GATA4: variants seen among roughly 807,000 people sequenced by gnomAD.
GATA4 encodes the protein transcription factor GATA-4.
GATA4 carries 7 observed loss-of-function variants against 37.9 expected under a neutral mutation model. That is an observed-to-expected ratio of 0.18 (90% confidence interval 0.11 to 0.35). The LOEUF (loss-of-function observed/expected upper bound fraction) is 0.35. GATA4 is among the 10% of genes least tolerant of loss of function. The pLI is 1.00. For missense variants in GATA4, 647 were observed against 653.0 expected (o/e 0.99, Z 0.10); for synonymous variants, 372 against 292.6 (o/e 1.27, Z -2.77).
intron 1 of GATA4, among the ~76,000 whole-genome samples, chr8:11,682,011 C>T (rs143686876): frequency 1.3e-5 from 2 of 152,342 alleles, no homozygotes; most frequent in African/African-American, 2.4e-5. Flanking sequence ...TGTTTTGTTT[C>T]ATGAATCAAA....
Position 11,758,560 on chromosome 8 carries a change from G to C in GATA4, c.*85G>C, listed in dbSNP as rs551166697. The C allele has an allele frequency of 7.5e-7, 1 of 1,326,256 alleles. No individual in the cohort carries two copies. The highest frequency in any genetic ancestry group is 1.1e-6 in the Non-Finnish European group (1 of 920,934). The allele number at this position is 1,326,256 out of a possible 1,614,324, so 82.2% of individuals were successfully genotyped here. A position where few individuals can be genotyped will look rare whatever the true frequency, so the allele number is the denominator to read the frequency against. On this transcript the variant is annotated 3_prime_UTR_variant, in exon 7 of 7. Transcript: ENST00000532059. ...AGGAGGCCCTGGGCTCCCAGGGGCC[G>C]GCCTCCTCTGCCTGGTAATGACTCC... is the stretch of plus-strand genomic sequence containing the variant.
chr8:11,717,273 T>C (rs1800475076), intron 2 of GATA4, among the ~76,000 whole-genome samples: 1 of 152,224 alleles, frequency 6.6e-6, no homozygotes, highest in African/African-American at 2.4e-5. Flanking sequence ...ACAAAATACA[T>C]TTATAAGTTT....
rs556448447 is a variant in GATA4 at position 11,708,969 on chromosome 8, G to A, written c.616+41G>A. On this transcript the variant is annotated intron_variant, in intron 2 of 6. Transcript: ENST00000532059. This position sits in a 1 kb window ranked among gnomAD's most constrained non-coding sequence, Gnocchi z 6.7. ...AGGGCTGGGGCGCGTGAGGGCCGGG[G>A]CAGGGGCCGTCTTGAGCCCTGTCGA... 1.4e-4 allele frequency: 210 copies of A among 1,508,300 alleles called. 1 individual carries two copies. The South Asian group carries it at 2.5e-3, about 18-fold the overall frequency. The allele number at this position is 1,508,300 out of a possible 1,614,324, so 93.4% of individuals were successfully genotyped here.
At chr8:11,692,385 T>C (rs1799341522), upstream of GATA4, among the ~76,000 whole-genome samples, 1 of 152,266 alleles carries the variant, frequency 6.6e-6, no homozygotes, top group African/African-American at 2.4e-5. Flanking sequence ...TCGCCGTCTT[T>C]ATACGCAGGT....
At chr8:11,685,990 C>A (rs552566516) in intron 1 of GATA4, among the ~76,000 whole-genome samples, 1 of 152,320 alleles carries the variant, frequency 6.6e-6, no homozygotes, top group African/African-American at 2.4e-5. Context: ...AAGCGGAGGA[C>A]AGGACTGCAG....
At position 11,709,793 on chromosome 8, in the gene GATA4, A is replaced by G. The variant is rs972445028; in HGVS notation, c.616+865A>G. On this transcript the variant is annotated intron_variant, in intron 2 of 6. Transcript: ENST00000532059. This position sits in a 1 kb window ranked among gnomAD's most constrained non-coding sequence, Gnocchi z 4.3. Reference sequence around the variant, plus strand: ...GGGGAGGGACGGCAAACCTGTCTCAACCTCCACTGATTCACAAATAAACGC... The same window carrying G: ...GGGGAGGGACGGCAAACCTGTCTCAGCCTCCACTGATTCACAAATAAACGC... 1.3e-5 allele frequency among the ~76,000 whole-genome samples: 2 copies of G among 151,994 alleles called. No individual in the cohort carries two copies. Among genetic ancestry groups the G allele is most frequent in the Admixed American group, 1.3e-4 (2 of 15,276 alleles).
intron 2 of GATA4, among the ~76,000 whole-genome samples, chr8:11,730,664 T>G (rs796334447): frequency 7.2e-5 from 11 of 152,290 alleles, no homozygotes; most frequent in African/African-American, 2.6e-4. Context: ...GGGATGATAT[T>G]TGGTGGTAGC....
At chr8:11,744,696 G>C (rs1283662472) in intron 2 of GATA4, among the ~76,000 whole-genome samples, 3 of 152,246 alleles carry the variant, frequency 2.0e-5, no homozygotes, top group African/African-American at 7.2e-5. Context: ...TCATGGAGCA[G>C]GTTGGATGGC....
rs557293887 is a variant in GATA4 at position 11,719,451 on chromosome 8, C to T, written c.616+10523C>T. Reference sequence around the variant, plus strand: ...ACTGCTTATTTTAAAAAAGAAAATGCTTTCCAGGCAAAAATGGCTTCAGAG... The same window carrying T: ...ACTGCTTATTTTAAAAAAGAAAATGTTTTCCAGGCAAAAATGGCTTCAGAG... On this transcript the variant is annotated intron_variant, in intron 2 of 6. Transcript: ENST00000532059. 3.3e-5 allele frequency among the ~76,000 whole-genome samples: 5 copies of T among 152,142 alleles called. No individual in the cohort carries two copies. The East Asian group carries it at 9.6e-4, about 29-fold the overall frequency.
intron 1 of GATA4, among the ~76,000 whole-genome samples, chr8:11,693,590 G>GAGAGAGAGAGAGAGAGAGAGAGAC (rs1799409078): frequency 6.7e-6 from 1 of 149,610 alleles, no homozygotes; most frequent in African/African-American, 2.5e-5. Context: ...GAGAGAGAGA[G>GAGAGAGAGAGAGAGAGAGAGAGAC]AGAGACAGAG....
chr8:11,721,763 C>A (rs1005219334), intron 2 of GATA4, among the ~76,000 whole-genome samples: 1 of 152,080 alleles, frequency 6.6e-6, no homozygotes, highest in South Asian at 2.1e-4. Context: ...GTAATTCTGC[C>A]CTCTTCTTGT....
intron 2 of GATA4, among the ~76,000 whole-genome samples, chr8:11,746,415 C>G (rs903779477): frequency 2.6e-5 from 4 of 152,152 alleles, no homozygotes; most frequent in African/African-American, 9.6e-5. Flanking sequence ...GAGGGTTGCA[C>G]TAGGTTTGGA....
chr8:11,705,289 G>A (rs1799843459), intron 1 of GATA4, among the ~76,000 whole-genome samples: 1 of 152,168 alleles, frequency 6.6e-6, no homozygotes, highest in African/African-American at 2.4e-5. Flanking sequence ...CTGGGGTGTG[G>A]AGGTGATGCT....
At chr8:11,757,388 G>A (rs1802645579) in intron 6 of GATA4, among the ~76,000 whole-genome samples, 1 of 152,220 alleles carries the variant, frequency 6.6e-6, no homozygotes, top group Non-Finnish European at 1.5e-5. Context: ...CAAAGAGAGG[G>A]GAGTCCAGGG....
At chr8:11,699,461 C>T (rs1052843189), upstream of GATA4, among the ~76,000 whole-genome samples, 1 of 152,214 alleles carries the variant, frequency 6.6e-6, no homozygotes, top group African/African-American at 2.4e-5. Flanking sequence ...GTCTGGGAAC[C>T]AGACTCCCTA....
chr8:11,678,019 A>AATG (rs1798837380), intron 1 of GATA4, among the ~76,000 whole-genome samples: 1 of 21,372 alleles, frequency 4.7e-5, no homozygotes, highest in African/African-American at 5.1e-4. Context: ...TCAAAATAAT[A>AATG]ATAATAATAA....
intron 6 of GATA4, among the ~76,000 whole-genome samples, chr8:11,757,626 A>G (rs552291925): frequency 6.6e-6 from 1 of 152,336 alleles, no homozygotes; most frequent in East Asian, 1.9e-4. Flanking sequence ...GAGGGCAGGC[A>G]GGGCAGGCTG....
intron 2 of GATA4, among the ~76,000 whole-genome samples, chr8:11,745,218 T>A (rs754438591): frequency 1.8e-4 from 27 of 152,014 alleles, no homozygotes; most frequent in Non-Finnish European, 3.4e-4. Context: ...CAGCCAGAGG[T>A]GAGTCGGCAG....
Position 11,709,770 on chromosome 8 carries a change from G to C in GATA4, c.616+842G>C, listed in dbSNP as rs531947627. Among the ~76,000 whole-genome samples the C allele has an allele frequency of 6.6e-6, 1 of 152,332 alleles. No homozygotes were observed. Among genetic ancestry groups the C allele is most frequent in the Non-Finnish European group, 1.5e-5 (1 of 68,020 alleles). ...AGTGTTTCCATCGGATGTCAGACGG[G>C]GAGGGACGGCAAACCTGTCTCAACC... On this transcript the variant is annotated intron_variant, in intron 2 of 6. Transcript: ENST00000532059. This position sits in a 1 kb window ranked among gnomAD's most constrained non-coding sequence, Gnocchi z 4.3.
Sources: gnomAD v4.1 joint callset for allele counts (sites outside exome capture counted in the v4.1 genomes callset) on GRCh38, gnomAD v4.1.1 for gene constraint, Gnocchi (gnomAD v3.1) non-coding constraint, MANE v1.5 for transcripts, NCBI Gene and HGNC (gene_info 2026-07-23, HGNC 2026-07-21) for gene names.